The following FBXO21 variants were observed in gnomAD, a reference collection of about 807,000 sequenced individuals.
FBXO21 encodes the protein F-box protein 21, also known as F-box only protein 21.
A neutral mutation model predicts 76.6 loss-of-function variants in FBXO21; 32 were observed. The ratio of observed to expected loss-of-function variants is 0.42; its 90% CI spans 0.32 to 0.56. The LOEUF (loss-of-function observed/expected upper bound fraction) is 0.56. FBXO21 is among the 20% of genes least tolerant of loss of function. The pLI, the probability that FBXO21 is intolerant of heterozygous loss-of-function variation, is 0.16. For missense variants in FBXO21, 586 were observed against 797.3 expected, an observed-to-expected ratio of 0.73 and a Z score of 3.19; for synonymous variants, 328 against 311.5, an observed-to-expected ratio of 1.05 and a Z score of -0.56.
intron 11 of FBXO21, among the ~76,000 whole-genome samples, chr12:117,149,443 C>T (rs1306721743): frequency 6.6e-6 from 1 of 152,162 alleles, no homozygotes; most frequent in Admixed American, 6.5e-5. Context: ...CTGAAGTACA[C>T]AGAATTCAAG....
Position 117,179,195 on chromosome 12 carries a change from A to G in FBXO21, c.471-1554T>C, listed in dbSNP as rs112533546. Among the ~76,000 whole-genome samples the G allele has an allele frequency of 4.6e-3, 708 of 152,342 alleles. 9 individuals are homozygous for G. The highest frequency in any genetic ancestry group is 0.016 in the African/African-American group (677 of 41,580). ...GTTGTAAAATATATCAATCTAGAAA[A>G]TTGTGTGAAACAAACAAGTAGCTTA... On this transcript the variant is annotated intron_variant, in intron 3 of 11. Coordinates refer to ENST00000622495, the MANE Select transcript of FBXO21 (RefSeq NM_015002.3).
chr12:117,172,668 T>C, intron 6 of FBXO21, 61 bp from the exon 7 acceptor site: 1 of 1,552,012 alleles, frequency 6.4e-7, no homozygotes, highest in Non-Finnish European at 8.8e-7. Context: ...ATTCTTTCAA[T>C]AAACATTCTC....
intron 7 of FBXO21, among the ~76,000 whole-genome samples, chr12:117,168,490 C>T (rs1956083421): frequency 6.6e-6 from 1 of 151,696 alleles, no homozygotes; most frequent in South Asian, 2.1e-4. Flanking sequence ...CACCACTGCC[C>T]TCCAGCCTGG....
At chr12:117,147,614 A>T (rs530547873) in intron 11 of FBXO21, among the ~76,000 whole-genome samples, 84 of 151,174 alleles carry the variant, frequency 5.6e-4, no homozygotes, top group African/African-American at 1.7e-3. Context: ...AAAAAAAAAA[A>T]AAAAGAGATA....
At chr12:117,174,492 A>G in intron 5 of FBXO21, 151 bp from the exon 6 acceptor site, 2 of 1,201,534 alleles carry the variant, frequency 1.7e-6, no homozygotes, top group South Asian at 1.4e-5. Flanking sequence ...ATGTATTTGA[A>G]GTGTTTTAGG....
chr12:117,147,981 A>T (rs1484141201), intron 11 of FBXO21, among the ~76,000 whole-genome samples: 1 of 152,228 alleles, frequency 6.6e-6, no homozygotes, highest in Non-Finnish European at 1.5e-5. Context: ...ACCGACACGA[A>T]CAGCGTGGCC....
chr12:117,173,377 A>C (rs1451577377), intron 6 of FBXO21, among the ~76,000 whole-genome samples: 1 of 152,232 alleles, frequency 6.6e-6, no homozygotes, highest in Non-Finnish European at 1.5e-5. Context: ...AAAGTTGGTC[A>C]AGCCCTGATT....
At chr12:117,157,582 C>CT (rs1300788849) in intron 10 of FBXO21, among the ~76,000 whole-genome samples, 3 of 152,184 alleles carry the variant, frequency 2.0e-5, no homozygotes, top group Admixed American at 2.0e-4. Flanking sequence ...TACAAAGTTA[C>CT]TTCCATGTTC....
At chr12:117,159,182 C>T (rs1439133372) in intron 9 of FBXO21, among the ~76,000 whole-genome samples, 6 of 152,184 alleles carry the variant, frequency 3.9e-5, no homozygotes, top group Non-Finnish European at 2.9e-5. Flanking sequence ...ACGTGCTGGA[C>T]CTCAACATTT....
chr12:117,159,797 T>A (rs1467566662), intron 9 of FBXO21, among the ~76,000 whole-genome samples: 2 of 151,930 alleles, frequency 1.3e-5, no homozygotes, highest in Admixed American at 6.6e-5. Flanking sequence ...CACCTCCCCA[T>A]CAGATAAGTA....
At chr12:117,162,906 G>A (rs893489562) in intron 9 of FBXO21, among the ~76,000 whole-genome samples, 1 of 152,234 alleles carries the variant, frequency 6.6e-6, no homozygotes, top group Admixed American at 6.5e-5. Flanking sequence ...TCTGCCCTCT[G>A]AAGTTGTTTT....
At chr12:117,160,496 C>T (rs1473826111) in intron 9 of FBXO21, among the ~76,000 whole-genome samples, 1 of 152,324 alleles carries the variant, frequency 6.6e-6, no homozygotes, top group African/African-American at 2.4e-5. Flanking sequence ...TCATACCCCA[C>T]ACAAAACACT....
chr12:117,188,907 C>CA (rs373645379), intron 2 of FBXO21: 34 of 254,124 alleles, frequency 1.3e-4, no homozygotes, highest in Non-Finnish European at 1.7e-4. Flanking sequence ...GGAGGGGTTG[C>CA]AAAAAAAATC....
intron 11 of FBXO21, 96 bp downstream of exon 11, chr12:117,155,695 C>A: frequency 7.3e-7 from 1 of 1,370,290 alleles, no homozygotes; most frequent in Non-Finnish European, 9.9e-7. Flanking sequence ...TCTGAAGGAA[C>A]CGATGGCCCA....
intron 9 of FBXO21, among the ~76,000 whole-genome samples, chr12:117,162,626 A>G (rs1035380931): frequency 2.6e-5 from 4 of 152,180 alleles, no homozygotes; most frequent in African/African-American, 9.7e-5. Flanking sequence ...GATGTTTCTT[A>G]GCTCTTCCTG....
Position 117,146,009 on chromosome 12 carries a change from G to A in FBXO21, c.*78C>T, listed in dbSNP as rs1216038669. The A allele has an allele frequency of 2.2e-5, 28 of 1,284,598 alleles. No individual in the cohort carries two copies. Among genetic ancestry groups the A allele is most frequent in the East Asian group, 4.8e-5 (2 of 41,318 alleles). The allele number at this position is 1,284,598 out of a possible 1,614,324, so 79.6% of individuals were successfully genotyped here. A position where few individuals can be genotyped will look rare whatever the true frequency, so the allele number is the denominator to read the frequency against. The stretch of plus-strand genomic sequence containing the variant: ...TGGTGCAGCAGGTCCCGAGGGCTCC[G>A]TGGAGACGTCTTCTTCCGGAGTCCC... On this transcript the variant is annotated 3_prime_UTR_variant, in exon 12 of 12. Transcript: ENST00000622495.
chr12:117,171,312 T>A (rs533692140), intron 7 of FBXO21, among the ~76,000 whole-genome samples: 1 of 136,970 alleles, frequency 7.3e-6, no homozygotes, highest in Admixed American at 8.4e-5. Context: ...AAGCCAAGAT[T>A]GCGCCAATGC....
intron 11 of FBXO21, among the ~76,000 whole-genome samples, chr12:117,154,560 A>T (rs1955888130): frequency 2.0e-5 from 3 of 151,990 alleles, no homozygotes; most frequent in African/African-American, 4.8e-5. Flanking sequence ...TAATTTTTAA[A>T]TTTTTTTGTA....
At chr12:117,177,199 G>C (rs1956184819) in intron 4 of FBXO21, among the ~76,000 whole-genome samples, 1 of 152,130 alleles carries the variant, frequency 6.6e-6, no homozygotes, top group African/African-American at 2.4e-5. Context: ...ATTTACTTCT[G>C]ATTTGGAAAT....
Sources: gnomAD v4.1 joint callset for allele counts (sites outside exome capture counted in the v4.1 genomes callset) on GRCh38, gnomAD v4.1.1 for gene constraint, MANE v1.5 for transcripts, NCBI Gene and HGNC (gene_info 2026-07-23, HGNC 2026-07-21) for gene names.